The following PRIM2 variants were observed in gnomAD, a reference collection of about 807,000 sequenced individuals.
PRIM2 encodes the protein DNA primase subunit 2.
In PRIM2, 39 loss-of-function variants were observed where a neutral mutation model predicts 67.3. The observed-to-expected ratio is 0.58, with a 90% confidence interval of 0.45 to 0.76. PRIM2 has a LOEUF of 0.76. Among genes scored for constraint, PRIM2 ranks in the 30% least tolerant of loss-of-function variants. PRIM2 has a pLI of 0.00. For synonymous variants in PRIM2, 143 were observed against 198.7 expected (o/e 0.72, Z 2.36); for missense variants, 398 against 598.7 (o/e 0.66, Z 3.50).
At chr6:57,374,273 CTATTTATTTATT>C (rs60492288) in intron 5 of PRIM2, among the ~76,000 whole-genome samples, 2 of 132,084 alleles carry the variant, frequency 1.5e-5, no homozygotes, top group East Asian at 2.1e-4. Context: ...TATAGGAATG[CTATTTATTTATT>C]TATTTATTTA....
At chr6:57,392,930 A>G (rs1770402946) in intron 7 of PRIM2, among the ~76,000 whole-genome samples, 1 of 151,788 alleles carries the variant, frequency 6.6e-6, no homozygotes, top group African/African-American at 2.4e-5. Context: ...CACGTAGAAT[A>G]GTAGTGTCTC....
chr6:57,544,653 T>C (rs1230612769), intron 10 of PRIM2, among the ~76,000 whole-genome samples: 1 of 152,232 alleles, frequency 6.6e-6, no homozygotes, highest in Non-Finnish European at 1.5e-5. Context: ...CCAGATTATG[T>C]TCTTTTAATT....
intron 5 of PRIM2, among the ~76,000 whole-genome samples, chr6:57,374,179 A>T (rs114921291): frequency 0.024 from 3,566 of 149,954 alleles, 47 homozygotes; most frequent in Middle Eastern, 0.041. Context: ...TGTTAGCTGT[A>T]TTCCTAGGAA....
chr6:57,586,403 G>A (rs1415770254), intron 10 of PRIM2, among the ~76,000 whole-genome samples: 5 of 152,108 alleles, frequency 3.3e-5, no homozygotes, highest in South Asian at 2.1e-4. Flanking sequence ...ATTTCCATTC[G>A]TATGAGAGAT....
rs112209037 is a variant in PRIM2 at position 57,394,741 on chromosome 6, G to A, written c.693+12573G>A. On this transcript the variant is annotated intron_variant, in intron 7 of 13. Coordinates refer to ENST00000615550, the MANE Select transcript of PRIM2 (RefSeq NM_000947.5). The stretch of plus-strand genomic sequence containing the variant: ...GAGTGGGCATCCTTGTCTTGTTCCC[G>A]TTCTCAGAGGGAATGCTTTCAACTT... 7.8e-4 allele frequency among the ~76,000 whole-genome samples: 118 copies of A among 152,172 alleles called. 2 individuals carry two copies. In the East Asian group the frequency reaches 0.018, roughly 23 times the overall value.
chr6:57,327,472 GAACA>G (rs765234541), intron 5 of PRIM2, among the ~76,000 whole-genome samples: 8 of 152,218 alleles, frequency 5.3e-5, no homozygotes, highest in Non-Finnish European at 8.8e-5. Context: ...GAAGGGAAGT[GAACA>G]AACATTTTGT....
At chr6:57,360,902 A>G (rs1336384891) in intron 5 of PRIM2, among the ~76,000 whole-genome samples, 1 of 152,200 alleles carries the variant, frequency 6.6e-6, no homozygotes, top group African/African-American at 2.4e-5. Flanking sequence ...TTTACAGAGA[A>G]CAATAAGATG....
At chr6:57,440,622 T>G (rs1230620838) in intron 7 of PRIM2, among the ~76,000 whole-genome samples, 1 of 152,228 alleles carries the variant, frequency 6.6e-6, no homozygotes, top group Non-Finnish European at 1.5e-5. Flanking sequence ...TTCTTTGGGT[T>G]TCAAGCTCTG....
chr6:57,232,349 G>T, the PRIM2 span, among the ~76,000 whole-genome samples: 1 of 152,136 alleles, frequency 6.6e-6, no homozygotes, highest in Non-Finnish European at 1.5e-5. Context: ...TCAGGAGTTC[G>T]AGACCAGCCT....
chr6:57,425,225 A>G (rs1437409774), intron 7 of PRIM2, among the ~76,000 whole-genome samples: 2 of 152,072 alleles, frequency 1.3e-5, no homozygotes, highest in East Asian at 1.9e-4. Flanking sequence ...TTCTAAACAC[A>G]TTTTTTAATG....
chr6:57,530,248 G>A (rs1774857429), intron 8 of PRIM2, among the ~76,000 whole-genome samples: 1 of 152,178 alleles, frequency 6.6e-6, no homozygotes, highest in Non-Finnish European at 1.5e-5. Flanking sequence ...AGTTTACATA[G>A]CAAATTCAAC....
intron 12 of PRIM2, among the ~76,000 whole-genome samples, chr6:57,617,202 C>G (rs1776771089): frequency 1.3e-5 from 2 of 152,236 alleles, no homozygotes; most frequent in African/African-American, 4.8e-5. Flanking sequence ...ACTCCAAACT[C>G]TATCTTTATT....
the PRIM2 span, among the ~76,000 whole-genome samples, chr6:57,233,374 A>G: frequency 6.6e-6 from 1 of 152,188 alleles, no homozygotes; most frequent in African/African-American, 2.4e-5. Context: ...TTGTTCCTGA[A>G]TATATTTAAT....
At chr6:57,302,487 G>A in the PRIM2 span, among the ~76,000 whole-genome samples, 2 of 152,100 alleles carry the variant, frequency 1.3e-5, no homozygotes, top group African/African-American at 4.8e-5. Context: ...AAATTATGTG[G>A]TTATCCACTT....
intron 10 of PRIM2, chr6:57,586,958 G>A (rs1776199586): frequency 6.6e-6 from 1 of 152,182 alleles, no homozygotes; most frequent in Non-Finnish European, 1.5e-5. Context: ...TCCTACAATA[G>A]CCCACAAGAT....
the PRIM2 span, among the ~76,000 whole-genome samples, chr6:57,252,496 A>G: frequency 6.6e-6 from 1 of 151,920 alleles, no homozygotes; most frequent in Non-Finnish European, 1.5e-5. Context: ...GCTGGAGTGC[A>G]GTGGCGCAAT....
chr6:57,588,684 G>A (rs1345829139), intron 10 of PRIM2, among the ~76,000 whole-genome samples: 1 of 152,010 alleles, frequency 6.6e-6, no homozygotes, highest in Non-Finnish European at 1.5e-5. Flanking sequence ...TAACTGCAGT[G>A]CCACAAGCTT....
At chr6:57,467,373 T>A (rs1773230305) in intron 7 of PRIM2, among the ~76,000 whole-genome samples, 1 of 152,250 alleles carries the variant, frequency 6.6e-6, no homozygotes, top group South Asian at 2.1e-4. Flanking sequence ...CACTATTTTT[T>A]AAATAGGGAA....
intron 7 of PRIM2, among the ~76,000 whole-genome samples, chr6:57,461,483 A>T (rs2127397245): frequency 6.6e-6 from 1 of 152,264 alleles, no homozygotes; most frequent in East Asian, 1.9e-4. Context: ...GAGTGTCTGA[A>T]GGCATAGCAG....
Sources: allele counts gnomAD v4.1 joint callset (sites outside exome capture counted in the v4.1 genomes callset), GRCh38; gene constraint gnomAD v4.1.1; transcripts MANE v1.5; gene names NCBI Gene and HGNC (gene_info 2026-07-23, HGNC 2026-07-21).